CEP89: variants seen among roughly 807,000 people sequenced by gnomAD.
CEP89 encodes the protein centrosomal protein 89.
In CEP89, 95 loss-of-function variants were observed where a neutral mutation model predicts 97.6. The ratio of observed to expected loss-of-function variants is 0.97; its 90% confidence interval spans 0.82 to 1.15. The LOEUF (loss-of-function observed/expected upper bound fraction) is 1.15, where lower values mean the gene tolerates loss of function less well. Among genes scored for constraint, CEP89 ranks in the 50% most tolerant of loss-of-function variants. CEP89 has a pLI of 0.00. For missense variants in CEP89, 869 were observed against 947.7 expected (o/e 0.92, Z 1.09); for synonymous variants, 354 against 349.1 (o/e 1.01, Z -0.16).
At position 32,897,168 on chromosome 19, in the gene CEP89, T is replaced by C. The variant is rs553966649; in HGVS notation, c.1875+2689A>G. On this transcript the variant is annotated intron_variant, in intron 16 of 18. Transcript: ENST00000305768. ...TGTTCTGAAGTGCACAAGTTTGGGA[T>C]CGCTAATAGGACCACATGTAGGAAA... 3.9e-5 allele frequency among the ~76,000 whole-genome samples: 6 copies of C among 152,334 alleles called. No individual in the cohort carries two copies. The East Asian group carries it at 1.2e-3, about 29-fold the overall frequency.
At chr19:32,915,290 C>T (rs1311092195) in intron 14 of CEP89, 47 bp downstream of exon 14, 5 of 1,496,390 alleles carry the variant, frequency 3.3e-6, no homozygotes, top group Non-Finnish European at 4.5e-6. Flanking sequence ...AAGACCCTGT[C>T]TCGAAAAAAG....
intron 14 of CEP89, among the ~76,000 whole-genome samples, chr19:32,903,537 A>G (rs1349896133): frequency 6.6e-6 from 1 of 152,224 alleles, no homozygotes; most frequent in Non-Finnish European, 1.5e-5. Flanking sequence ...AAAAGACTCA[A>G]ATGGATCTTT....
At chr19:32,951,563 A>ACACACACG (rs1322469845) in intron 4 of CEP89, among the ~76,000 whole-genome samples, 5 of 150,792 alleles carry the variant, frequency 3.3e-5, no homozygotes, top group African/African-American at 7.3e-5. Context: ...ACACACACAC[A>ACACACACG]CACGCACACT....
At chr19:32,911,795 G>T (rs12609689) in intron 14 of CEP89, among the ~76,000 whole-genome samples, 1 of 152,150 alleles carries the variant, frequency 6.6e-6, no homozygotes, top group Admixed American at 6.5e-5. Context: ...CCACACCAAT[G>T]CTATGGAGGG....
intron 7 of CEP89, among the ~76,000 whole-genome samples, chr19:32,934,935 A>G (rs1323276498): frequency 2.6e-5 from 4 of 152,222 alleles, no homozygotes; most frequent in Admixed American, 1.3e-4. Flanking sequence ...CAACATAGCA[A>G]GAGCCCATCT....
chr19:32,877,277 G>A lies in CEP89; in HGVS notation c.*1885C>T, dbSNP rs1969191887. The A allele has an allele frequency of 6.6e-6, 1 of 152,188 alleles. No homozygotes were observed. The highest frequency in any genetic ancestry group is 2.4e-5 in the African/African-American group (1 of 41,448). 9.4% of individuals were successfully genotyped at this position (152,188 alleles called of 1,614,324 possible). A position where few individuals can be genotyped will look rare whatever the true frequency, so the allele number is the denominator to read the frequency against. The stretch of plus-strand genomic sequence containing the variant: ...GTCTGGCAATCAAAGATCACACGTA[G>A]AACTTCTACACATGACCAAGGACCA... On this transcript the variant is annotated 3_prime_UTR_variant, in exon 19 of 19. Coordinates refer to ENST00000305768, the MANE Select transcript of CEP89 (RefSeq NM_032816.5).
chr19:32,905,453 C>G (rs1332691747), intron 14 of CEP89, among the ~76,000 whole-genome samples: 1 of 151,000 alleles, frequency 6.6e-6, no homozygotes, highest in Non-Finnish European at 1.5e-5. Flanking sequence ...GTAGAGCTCT[C>G]TAGTGAAGGT....
intron 5 of CEP89, among the ~76,000 whole-genome samples, chr19:32,942,147 C>T (rs185140342): frequency 7.2e-5 from 11 of 152,188 alleles, no homozygotes; most frequent in African/African-American, 1.9e-4. Flanking sequence ...TTTGGGAGGC[C>T]GAGGCAGGTA....
Position 32,930,306 on chromosome 19 carries a change from G to T in CEP89, c.1029+1123C>A, listed in dbSNP as rs148345127. ...GCCTCCCAAAGTGCTGGGATTACAG[G>T]TGTGAGCCACCATGCCCAGCCAACA... On this transcript the variant is annotated intron_variant, in intron 9 of 18. Coordinates refer to ENST00000305768, the MANE Select transcript of CEP89 (RefSeq NM_032816.5). Among the ~76,000 whole-genome samples, 44 of 152,188 alleles carry T rather than the reference G, an allele frequency of 2.9e-4. 1 individual carries two copies. The highest frequency in any genetic ancestry group is 9.9e-4 in the African/African-American group (41 of 41,526).
At chr19:32,887,043 T>C (rs1318717507) in intron 17 of CEP89, among the ~76,000 whole-genome samples, 2 of 127,884 alleles carry the variant, frequency 1.6e-5, no homozygotes, top group East Asian at 4.5e-4. Context: ...AAAAAAAAAA[T>C]AGCCAGACAC....
At chr19:32,911,686 T>A (rs116332034) in intron 14 of CEP89, among the ~76,000 whole-genome samples, 1,555 of 152,148 alleles carry the variant, frequency 0.01, 26 homozygotes, top group African/African-American at 0.032. Flanking sequence ...TCTGGCTTAG[T>A]CAGCATGTAA....
intron 14 of CEP89, among the ~76,000 whole-genome samples, chr19:32,904,155 G>T (rs1042058685): frequency 6.6e-6 from 1 of 152,236 alleles, no homozygotes; most frequent in African/African-American, 2.4e-5. Context: ...GCCAGACCCT[G>T]TGCAAAAAAG....
intron 14 of CEP89, among the ~76,000 whole-genome samples, chr19:32,903,390 G>A (rs1460752621): frequency 6.6e-6 from 1 of 152,072 alleles, no homozygotes; most frequent in Non-Finnish European, 1.5e-5. Flanking sequence ...TGATCAGGAG[G>A]GGAAAAAATC....
intron 5 of CEP89, among the ~76,000 whole-genome samples, chr19:32,944,440 G>A (rs1970754125): frequency 6.6e-6 from 1 of 152,244 alleles, no homozygotes; most frequent in Non-Finnish European, 1.5e-5. Context: ...GAGATGTCCT[G>A]AGCCCAGGGA....
At chr19:32,933,391 C>A in intron 8 of CEP89, 60 bp downstream of exon 8, 2 of 1,191,094 alleles carry the variant, frequency 1.7e-6, no homozygotes, top group Non-Finnish European at 2.4e-6. Flanking sequence ...TATTAACTCT[C>A]AAAATAATTG....
intron 5 of CEP89, among the ~76,000 whole-genome samples, chr19:32,947,648 A>C (rs904658875): frequency 1.6e-4 from 24 of 151,644 alleles, no homozygotes; most frequent in Admixed American, 7.2e-4. Context: ...ATGCCACCAT[A>C]CCTGGCTACT....
chr19:32,927,903 CT>C (rs60706354), intron 9 of CEP89, among the ~76,000 whole-genome samples: 49,016 of 116,232 alleles, frequency 0.42, 8,914 homozygotes, highest in East Asian at 0.53. Flanking sequence ...GCACACTTGG[CT>C]TTTTTTTTTT....
At position 32,959,990 on chromosome 19, in the gene CEP89, C is replaced by T. The variant is rs763140099; in HGVS notation, c.215G>A (p.Arg72His). The change falls in exon 3 of 19, where the codon CGC (arginine) becomes CAC (histidine). Residue 72 changes from arginine (R) to histidine (H), a missense_variant. Coordinates refer to ENST00000305768, the MANE Select transcript of CEP89 (RefSeq NM_032816.5). The part of the protein sequence containing the change: ...TGRTVAIPQP[R>H]QRSRSESDVS... ...ATCACTCTCAGACCGGGACCTCTGG[C>T]GAGGCTGAGGAATAGCAACCGTCCG... The T allele has an allele frequency of 1.2e-6, 2 of 1,614,166 alleles. No individual in the cohort carries two copies. Among genetic ancestry groups the T allele is most frequent in the South Asian group, 1.1e-5 (1 of 91,084 alleles).
rs1015326480 is a variant in CEP89, at chr19:32,876,084, C to G, written c.*3078G>C. On this transcript the variant is annotated 3_prime_UTR_variant, in exon 19 of 19. Transcript: ENST00000305768. ...TGCCCCAGCCTGCTTTGTCCACTGTCTCCATTTCCCCAGGGCTGCTTTTAC... is the reference window on the plus strand; with the variant it reads ...TGCCCCAGCCTGCTTTGTCCACTGTGTCCATTTCCCCAGGGCTGCTTTTAC... 1 of 152,688 alleles carries G rather than the reference C, an allele frequency of 6.5e-6. No individual in the cohort carries two copies. The highest frequency in any genetic ancestry group is 1.5e-5 in the Non-Finnish European group (1 of 68,482). 9.5% of individuals were successfully genotyped at this position (152,688 alleles called of 1,614,324 possible).
Sources: allele counts gnomAD v4.1 joint callset (sites outside exome capture counted in the v4.1 genomes callset), GRCh38; gene constraint gnomAD v4.1.1; transcripts MANE v1.5; gene names NCBI Gene and HGNC (gene_info 2026-07-23, HGNC 2026-07-21).